Variants in SLC9B1 observed in about 807,000 individuals in gnomAD.
SLC9B1 encodes solute carrier family 9 member B1, also known as sodium/hydrogen exchanger 9B1.
In SLC9B1, 32 loss-of-function variants were observed where a neutral mutation model predicts 51.7. The ratio of observed to expected loss-of-function variants is 0.62; its 90% CI spans 0.47 to 0.83. The LOEUF (loss-of-function observed/expected upper bound fraction) is 0.83. SLC9B1 is among the 40% of genes least tolerant of loss of function. SLC9B1 has a pLI of 0.00. For synonymous variants in SLC9B1, 145 were observed against 212.7 expected (o/e 0.68, Z 2.77); for missense variants, 406 against 613.2 (o/e 0.66, Z 3.57).
At chr4:102,928,263 C>T (rs1736287931) in intron 7 of SLC9B1, among the ~76,000 whole-genome samples, 1 of 152,134 alleles carries the variant, frequency 6.6e-6, no homozygotes, top group African/African-American at 2.4e-5. Flanking sequence ...TACCAGATGT[C>T]CTCAATCATC....
At position 102,949,407 on chromosome 4, in the gene SLC9B1, A is replaced by G. The variant is rs778781739; in HGVS notation, c.232T>C (p.Trp78Arg). The change falls in exon 4 of 12, where the codon TGG becomes CGG. Residue 78 changes from tryptophan (W) to arginine (R), a missense_variant. Physicochemically the swap from Trp to Arg is moderately radical, Grantham distance 101 (BLOSUM62 -3). Transcript: ENST00000296422. ...ITNGVILFVI[W>R]CMTWSILGSE... ...CCTAAGATTGACCAGGTCATACACC[A>G]TATCACAAACAGTATAACTCCTGAA... is the stretch of plus-strand genomic sequence containing the variant. The G allele has an allele frequency of 1.6e-5, 25 of 1,597,596 alleles. No homozygotes were observed. Among genetic ancestry groups the G allele is most frequent in the East Asian group, 2.2e-5 (1 of 44,550 alleles).
At chr4:102,889,964 A>G (rs1234441441) in intron 11 of SLC9B1, 13 of 144,492 alleles carry the variant, frequency 9.0e-5, no homozygotes, top group Admixed American at 2.1e-4. Context: ...GAGCCTTCAA[A>G]ATACAGCCCT....
intron 7 of SLC9B1, among the ~76,000 whole-genome samples, chr4:102,915,081 T>C (rs1358149636): frequency 6.9e-6 from 1 of 145,084 alleles, no homozygotes; most frequent in African/African-American, 2.6e-5. Flanking sequence ...GAGAATGGGA[T>C]GATATATTAA....
At position 102,955,931 on chromosome 4, in the gene SLC9B1, G is replaced by A. The variant is rs555814163; in HGVS notation, c.212-6504C>T. Reference sequence around the variant, plus strand: ...AGAAAGACCCACATGCAAGGCTAGAGTTTTCCAGTTCCAAGTTCCAATTCT... The same window carrying A: ...AGAAAGACCCACATGCAAGGCTAGAATTTTCCAGTTCCAAGTTCCAATTCT... On this transcript the variant is annotated intron_variant, in intron 3 of 11. Coordinates refer to ENST00000296422, the MANE Select transcript of SLC9B1 (RefSeq NM_139173.4). Among the ~76,000 whole-genome samples, 4 of 152,240 alleles carry A rather than the reference G, an allele frequency of 2.6e-5. No homozygotes were observed. The East Asian group carries it at 7.7e-4, about 29-fold the overall frequency.
chr4:102,904,595 G>T (rs898234479), intron 11 of SLC9B1, among the ~76,000 whole-genome samples: 2 of 152,100 alleles, frequency 1.3e-5, no homozygotes, highest in African/African-American at 2.4e-5. Context: ...CATAATCCCA[G>T]AACTTTAGGA....
intron 1 of SLC9B1, among the ~76,000 whole-genome samples, chr4:103,008,632 C>T (rs1740921417): frequency 6.6e-6 from 1 of 152,002 alleles, no homozygotes; most frequent in African/African-American, 2.4e-5. Flanking sequence ...GTCCGCCAGC[C>T]TCAGCCTTCC....
chr4:102,940,487 A>G (rs1736935110), intron 6 of SLC9B1, among the ~76,000 whole-genome samples: 1 of 152,196 alleles, frequency 6.6e-6, no homozygotes, highest in Non-Finnish European at 1.5e-5. Flanking sequence ...CATTTTTCAC[A>G]GGATTAAAAA....
rs143903075 is a variant in SLC9B1, at chr4:103,003,654, C to T, written c.-1-11942G>A. Reference sequence around the variant, plus strand: ...TGTGAGCATGCAAAGATCCTCTTGCCACTACCCCAGTGAAGCACTCCAATG... The same window carrying T: ...TGTGAGCATGCAAAGATCCTCTTGCTACTACCCCAGTGAAGCACTCCAATG... On this transcript the variant is annotated intron_variant, in intron 1 of 11. Coordinates refer to ENST00000296422, the MANE Select transcript of SLC9B1 (RefSeq NM_139173.4). Among the ~76,000 whole-genome samples the T allele has an allele frequency of 1.8e-4, 27 of 152,208 alleles. No homozygotes were observed. The East Asian group carries it at 3.9e-3, about 22-fold the overall frequency.
intron 1 of SLC9B1, among the ~76,000 whole-genome samples, chr4:102,994,692 G>C (rs1740126367): frequency 6.6e-6 from 1 of 152,194 alleles, no homozygotes; most frequent in East Asian, 1.9e-4. Context: ...AGTTCCACAT[G>C]GCTGGGGAGG....
chr4:102,900,716 C>G (rs1485597282), downstream of SLC9B1, among the ~76,000 whole-genome samples: 1 of 152,050 alleles, frequency 6.6e-6, no homozygotes, highest in African/African-American at 2.4e-5. Flanking sequence ...TACTGGACAT[C>G]ATGGGAGTTC....
At chr4:102,940,860 A>G (rs1196015575) in intron 6 of SLC9B1, among the ~76,000 whole-genome samples, 1 of 152,316 alleles carries the variant, frequency 6.6e-6, no homozygotes, top group East Asian at 1.9e-4. Flanking sequence ...ACTTGACAAA[A>G]ACAAGCAATG....
At chr4:102,932,878 T>C (rs1370193201) in intron 6 of SLC9B1, among the ~76,000 whole-genome samples, 5 of 151,860 alleles carry the variant, frequency 3.3e-5, no homozygotes, top group Admixed American at 2.6e-4. Flanking sequence ...CTTGAGTAAA[T>C]AAGTAAGTAA....
At chr4:103,013,464 AT>A (rs1294030332) in intron 1 of SLC9B1, among the ~76,000 whole-genome samples, 1 of 152,076 alleles carries the variant, frequency 6.6e-6, no homozygotes, top group Non-Finnish European at 1.5e-5. Flanking sequence ...CTTCCTCAGA[AT>A]TCTTCTCTAT....
intron 4 of SLC9B1, among the ~76,000 whole-genome samples, chr4:102,948,801 C>CT (rs569835790): frequency 5.6e-4 from 85 of 152,176 alleles, no homozygotes; most frequent in Admixed American, 1.6e-3. Context: ...ATAATAGACA[C>CT]TGGGGAGTCC....
chr4:102,943,161 AAAAAT>A (rs1430404661), intron 6 of SLC9B1, among the ~76,000 whole-genome samples: 1 of 117,158 alleles, frequency 8.5e-6, no homozygotes, highest in African/African-American at 3.1e-5. Flanking sequence ...CCATAATCAA[AAAAAT>A]AAAAAAAAAA....
chr4:102,900,273 A>G (rs372172567), downstream of SLC9B1, among the ~76,000 whole-genome samples: 7 of 149,818 alleles, frequency 4.7e-5, no homozygotes, highest in East Asian at 2.0e-4. Context: ...ATTAAAACTC[A>G]CTTTGCTTGT....
intron 3 of SLC9B1, among the ~76,000 whole-genome samples, chr4:102,967,005 C>T (rs910425542): frequency 2.6e-5 from 4 of 152,184 alleles, no homozygotes; most frequent in Non-Finnish European, 5.9e-5. Flanking sequence ...GGGCACAAAG[C>T]CTTAGAAACA....
In SLC9B1 at chr4:102,893,281, C is replaced by CAAAAAAAAA. The variant is rs58316456; in HGVS notation, c.1333-7962_1333-7954dup. On this transcript the variant is annotated intron_variant, in intron 11 of 11. Transcript: ENST00000394789. The stretch of plus-strand genomic sequence containing the variant: ...TGGGCCACAGAGCAAGACTCCATCT[C>CAAAAAAAAA]AAAAAAAAAAAAAAAAAAAAAAAAG... Among the ~76,000 whole-genome samples, 162 of 35,054 alleles carry CAAAAAAAAA rather than the reference C, an allele frequency of 4.6e-3. 4 individuals carry two copies. Among genetic ancestry groups the CAAAAAAAAA allele is most frequent in the East Asian group, 8.7e-3 (8 of 924 alleles). The allele number at this position is 35,054 out of a possible 152,430, so 23.0% of individuals were successfully genotyped here.
chr4:102,975,679 C>T (rs998575268), intron 3 of SLC9B1, among the ~76,000 whole-genome samples: 3 of 138,172 alleles, frequency 2.2e-5, no homozygotes, highest in African/African-American at 8.4e-5. Flanking sequence ...AGCGATTCTC[C>T]TGCCTCAGCC....
Sources: allele counts gnomAD v4.1 joint callset (sites outside exome capture counted in the v4.1 genomes callset), GRCh38; gene constraint gnomAD v4.1.1; transcripts MANE v1.5; gene names NCBI Gene and HGNC (gene_info 2026-07-23, HGNC 2026-07-21).